The following DOP1B variants were observed in gnomAD, a reference collection of about 807,000 sequenced individuals.
DOP1B encodes the protein protein DOP1B.
In DOP1B, 174 loss-of-function variants were observed where a neutral mutation model predicts 233.5. The ratio of observed to expected loss-of-function variants is 0.75; its 90% confidence interval spans 0.66 to 0.85. DOP1B has a LOEUF of 0.85. Ranked by LOEUF, DOP1B falls within the 40% of genes least tolerant of loss-of-function variation. DOP1B has a pLI of 0.00. For synonymous variants in DOP1B, 1,190 were observed against 1,185.6 expected (o/e 1.00, Z -0.08); for missense variants, 2,652 against 2,846.6 (o/e 0.93, Z 1.56).
At chr21:36,165,718 C>CTTTTTTT (rs66857645) in intron 2 of DOP1B, among the ~76,000 whole-genome samples, 1 of 132,942 alleles carries the variant, frequency 7.5e-6, no homozygotes, top group Non-Finnish European at 1.6e-5. Flanking sequence ...TTAGGAGAAT[C>CTTTTTTT]TTTTTTTTTT....
chr21:36,169,924 A>G lies in DOP1B; in HGVS notation c.138+5053A>G, dbSNP rs1298803418. 2.5e-4 allele frequency: 190 copies of G among 771,780 alleles called. 1 individual carries two copies. The highest frequency in any genetic ancestry group is 1.5e-4 in the Non-Finnish European group (61 of 413,636). The allele number at this position is 771,780 out of a possible 1,614,324, so 47.8% of individuals were successfully genotyped here. A position where few individuals can be genotyped will look rare whatever the true frequency, so the allele number is the denominator to read the frequency against. ...TTCCACGTAGCCCGCAATGCCCACAACCACCATAGGTGGTGTCTCCACAGT... is the reference window on the plus strand; with the variant it reads ...TTCCACGTAGCCCGCAATGCCCACAGCCACCATAGGTGGTGTCTCCACAGT... On this transcript the variant is annotated intron_variant, in intron 2 of 36. Coordinates refer to ENST00000691173, the MANE Select transcript of DOP1B (RefSeq NM_001320714.2).
chr21:36,261,125 G>A, intron 24 of DOP1B: 1 of 991,950 alleles, frequency 1.0e-6, no homozygotes, highest in Non-Finnish European at 1.2e-6. Flanking sequence ...AGCACTTTGG[G>A]AGGTGGAGGC....
At chr21:36,185,413 A>AC (rs1472898196) in intron 2 of DOP1B, among the ~76,000 whole-genome samples, 4 of 151,586 alleles carry the variant, frequency 2.6e-5, no homozygotes, top group East Asian at 3.9e-4. Context: ...TAGCTCTTAG[A>AC]CCCCCCAAAT....
At position 36,232,827 on chromosome 21, in the gene DOP1B, T is replaced by C. The variant is rs1047015546; in HGVS notation, c.2374T>C (p.Ser792Pro). 2 of 1,612,770 alleles carry C rather than the reference T, an allele frequency of 1.2e-6. No individual in the cohort carries two copies. Among genetic ancestry groups the C allele is most frequent in the African/African-American group, 2.7e-5 (2 of 74,808 alleles). The change falls in exon 15 of 37, where the codon TCT becomes CCT. Residue 792 changes from serine to proline, a missense_variant. By Grantham distance (74) the Ser-to-Pro change is moderately conservative. Around this residue, in one of 3 missense-constraint regions of DOP1B, gnomAD observed 2,617 missense variants for 2,794.3 expected, o/e 0.94. Transcript: ENST00000691173. The part of the protein sequence containing the change: ...LPGAGDSSFP[S>P]WLKSLMTICC... ...AGGAGCCGGTGATTCCAGTTTTCCATCTTGGCTGAAGTCCCTCATGACTAT... is the reference window on the plus strand; with the variant it reads ...AGGAGCCGGTGATTCCAGTTTTCCACCTTGGCTGAAGTCCCTCATGACTAT...
Position 36,253,861 on chromosome 21 carries a change from G to C in DOP1B, c.5211G>C (p.Leu1737=). 1 of 1,614,064 alleles carries C rather than the reference G, an allele frequency of 6.2e-7. No homozygotes were observed. The highest frequency in any genetic ancestry group is 8.5e-7 in the Non-Finnish European group (1 of 1,179,988). ...STLQTDTLLH[L]VKEVVKRPPQ... is the part of the protein sequence containing the mutation. ...TGCAGACTGACACGCTGCTGCACCT[G>C]GTGAAGGAGGTGGTGAAGAGGCCAC... The change falls in exon 23 of 37, where the codon CTG becomes CTC. Residue 1737 remains leucine, a synonymous_variant. Transcript: ENST00000691173.
chr21:36,200,208 C>A, intron 3 of DOP1B, 123 bp from the exon 4 acceptor site: 1 of 1,296,558 alleles, frequency 7.7e-7, no homozygotes, highest in Non-Finnish European at 1.0e-6. Flanking sequence ...ACCCACACAT[C>A]GAAACCAGCA....
At position 36,160,257 on chromosome 21, in the gene DOP1B, A is replaced by T. The variant is rs187474324; in HGVS notation, c.-27+3314A>T. 4.7e-4 allele frequency among the ~76,000 whole-genome samples: 72 copies of T among 152,258 alleles called. 1 individual carries two copies. In the South Asian group the frequency reaches 0.014, roughly 30 times the overall value. On this transcript the variant is annotated intron_variant, in intron 1 of 36. Coordinates refer to ENST00000691173, the MANE Select transcript of DOP1B (RefSeq NM_001320714.2). The stretch of plus-strand genomic sequence containing the variant: ...TCCTTAATATTTTCAAAATGTGTGA[A>T]GGCAGTTATTTCAGAAAAAGGGACA...
At chr21:36,270,407 GC>G (rs2067274323) in intron 27 of DOP1B, among the ~76,000 whole-genome samples, 1 of 151,544 alleles carries the variant, frequency 6.6e-6, no homozygotes, top group African/African-American at 2.4e-5. Context: ...AAAAAAATCA[GC>G]TGGGCACAGT....
chr21:36,286,639 A>AACAC (rs3029064), intron 32 of DOP1B, among the ~76,000 whole-genome samples: 206 of 146,568 alleles, frequency 1.4e-3, no homozygotes, highest in Non-Finnish European at 2.4e-3. Flanking sequence ...CCATCTCAAA[A>AACAC]ACACACACAC....
At position 36,273,842 on chromosome 21, in the gene DOP1B, G is replaced by A. The variant is rs560800592; in HGVS notation, c.5633-3179G>A. 1.3e-3 allele frequency among the ~76,000 whole-genome samples: 197 copies of A among 152,188 alleles called. 1 individual carries two copies. Among genetic ancestry groups the A allele is most frequent in the Admixed American group, 1.7e-3 (26 of 15,256 alleles). ...TGTAATCCCAGCACTTTGGGAGGCC[G>A]AGGCGGGCGGATCACGAGGTCAGGA... is the stretch of plus-strand genomic sequence containing the variant. On this transcript the variant is annotated intron_variant, in intron 27 of 36. Transcript: ENST00000691173.
chr21:36,178,983 A>G (rs2066063909), intron 2 of DOP1B, among the ~76,000 whole-genome samples: 1 of 152,144 alleles, frequency 6.6e-6, no homozygotes, highest in African/African-American at 2.4e-5. Context: ...TTGTCCCCAG[A>G]CAACCACTGA....
At chr21:36,169,407 G>A (rs1188796089) in intron 2 of DOP1B, 1 of 908,564 alleles carries the variant, frequency 1.1e-6, no homozygotes. Flanking sequence ...ACATGGTCAG[G>A]ATGCCATGCC....
chr21:36,218,975 A>G (rs1449470321), intron 9 of DOP1B, among the ~76,000 whole-genome samples: 1 of 152,214 alleles, frequency 6.6e-6, no homozygotes, highest in African/African-American at 2.4e-5. Flanking sequence ...GTTTATGCAC[A>G]CTTAACACAC....
At chr21:36,223,639 A>G (rs1388304403) in intron 11 of DOP1B, among the ~76,000 whole-genome samples, 1 of 141,242 alleles carries the variant, frequency 7.1e-6, no homozygotes, top group African/African-American at 2.5e-5. Flanking sequence ...ACATTCATCA[A>G]ATCAGCTTTC....
At chr21:36,292,555 T>C (rs563837075) in intron 36 of DOP1B, among the ~76,000 whole-genome samples, 1 of 151,868 alleles carries the variant, frequency 6.6e-6, no homozygotes, top group South Asian at 2.1e-4. Context: ...CTGGAATAGC[T>C]GGAACTACAG....
chr21:36,286,908 G>A (rs940435445), intron 32 of DOP1B, among the ~76,000 whole-genome samples: 1 of 151,852 alleles, frequency 6.6e-6, no homozygotes, highest in Non-Finnish European at 1.5e-5. Context: ...AGGTTGTAGT[G>A]AGCGGAGACT....
intron 2 of DOP1B, chr21:36,170,175 A>G (rs908966702): frequency 6.3e-6 from 3 of 473,236 alleles, no homozygotes; most frequent in Non-Finnish European, 1.2e-5. Flanking sequence ...ACTTTCTGTG[A>G]GACATCACAC....
intron 15 of DOP1B, 63 bp downstream of exon 15, chr21:36,233,138 C>G: frequency 6.4e-7 from 1 of 1,550,604 alleles, no homozygotes; most frequent in Non-Finnish European, 8.7e-7. Context: ...AACTCAGAAC[C>G]GTATTGCTGG....
chr21:36,261,810 C>T, intron 24 of DOP1B: 1 of 521,312 alleles, frequency 1.9e-6, no homozygotes, highest in South Asian at 8.4e-5. Context: ...ACTCGGGAAG[C>T]TGAGGCAGGT....
Sources: gnomAD v4.1 joint callset for allele counts (sites outside exome capture counted in the v4.1 genomes callset) on GRCh38, gnomAD v4.1.1 for gene constraint, gnomAD v4.1.1 regional missense constraint, MANE v1.5 for transcripts, NCBI Gene and HGNC (gene_info 2026-07-23, HGNC 2026-07-21) for gene names.